Variants in USP32 observed in about 807,000 individuals in gnomAD.
USP32 encodes ubiquitin carboxyl-terminal hydrolase 32.
In USP32, 59 loss-of-function variants were observed where a neutral mutation model predicts 204.8. The ratio of observed to expected loss-of-function variants is 0.29; its 90% confidence interval spans 0.23 to 0.36. The LOEUF (loss-of-function observed/expected upper bound fraction) is 0.36, where lower values mean the gene tolerates loss of function less well. Ranked by LOEUF, USP32 falls within the 10% of genes least tolerant of loss-of-function variation. The pLI, the probability that USP32 is intolerant of heterozygous loss-of-function variation, is 1.00. For missense variants in USP32, 1,160 were observed against 1,946.4 expected (o/e 0.60, Z 7.60); for synonymous variants, 517 against 678.4 (o/e 0.76, Z 3.70).
In USP32 at chr17:60,226,498, AT is replaced by A. The variant is rs368855174; in HGVS notation, c.1240-268del. Among the ~76,000 whole-genome samples, 1,346 of 152,218 alleles carry A rather than the reference AT, an allele frequency of 8.8e-3. 26 individuals are homozygous for A. The highest frequency in any genetic ancestry group is 0.03 in the African/African-American group (1,234 of 41,538). Reference sequence around the variant, plus strand: ...TTTACACTCTATTCTGTTGGCAGCCATTTTTTTAACATTAAAAGTAAATAAA... The same window carrying A: ...TTTACACTCTATTCTGTTGGCAGCCATTTTTTAACATTAAAAGTAAATAAA... On this transcript the variant is annotated intron_variant, in intron 12 of 33. Transcript: ENST00000300896.
chr17:60,324,235 T>C (rs547679171), intron 2 of USP32, among the ~76,000 whole-genome samples: 1 of 151,860 alleles, frequency 6.6e-6, no homozygotes, highest in South Asian at 2.1e-4. Flanking sequence ...TCAGCTATGA[T>C]TGCACCACTG....
chr17:60,224,586 A>T (rs2085335428), intron 13 of USP32, among the ~76,000 whole-genome samples: 1 of 152,178 alleles, frequency 6.6e-6, no homozygotes, highest in Non-Finnish European at 1.5e-5. Flanking sequence ...GAAGACTGCA[A>T]CCAGCACAGG....
At chr17:60,295,838 G>A (rs1454850327) in intron 3 of USP32, among the ~76,000 whole-genome samples, 6 of 151,962 alleles carry the variant, frequency 3.9e-5, no homozygotes, top group Non-Finnish European at 5.9e-5. Flanking sequence ...AGGAAGAAAC[G>A]GTATATATAG....
chr17:60,241,645 G>A (rs939054774), intron 11 of USP32, among the ~76,000 whole-genome samples: 1 of 152,108 alleles, frequency 6.6e-6, no homozygotes, highest in Non-Finnish European at 1.5e-5. Flanking sequence ...TGAGGAAGCA[G>A]AACATCTTGT....
intron 28 of USP32, among the ~76,000 whole-genome samples, chr17:60,191,318 C>T (rs966589158): frequency 7.0e-6 from 1 of 142,006 alleles, no homozygotes; most frequent in Non-Finnish European, 1.5e-5. Context: ...GGGAGAATTG[C>T]TTGAACCTGG....
chr17:60,402,046 C>T (rs36063008), intron 1 of USP32, among the ~76,000 whole-genome samples: 1 of 152,078 alleles, frequency 6.6e-6, no homozygotes, highest in Admixed American at 6.6e-5. Flanking sequence ...TAGTTTTTGT[C>T]TGAGTGAAAT....
At chr17:60,333,031 C>G (rs1461529780) in intron 2 of USP32, among the ~76,000 whole-genome samples, 1 of 151,680 alleles carries the variant, frequency 6.6e-6, no homozygotes, top group Non-Finnish European at 1.5e-5. Context: ...AAAGACTACT[C>G]AATGAAAAAA....
intron 1 of USP32, among the ~76,000 whole-genome samples, chr17:60,352,755 G>A (rs1263723502): frequency 1.3e-5 from 2 of 152,140 alleles, no homozygotes; most frequent in African/African-American, 2.4e-5. Flanking sequence ...AAAAGAACTC[G>A]AAGGCACAGC....
chr17:60,367,383 G>A (rs1163677278), intron 1 of USP32, among the ~76,000 whole-genome samples: 1 of 152,172 alleles, frequency 6.6e-6, no homozygotes, highest in Non-Finnish European at 1.5e-5. Context: ...GATGGCTCAT[G>A]CTTGTAGTCC....
chr17:60,195,791 A>G (rs1297228214), intron 27 of USP32, among the ~76,000 whole-genome samples: 2 of 152,222 alleles, frequency 1.3e-5, no homozygotes, highest in African/African-American at 2.4e-5. Flanking sequence ...GGCTTTAAAT[A>G]CACCTTTTTG....
chr17:60,294,402 G>GTA (rs1217217749), intron 4 of USP32, among the ~76,000 whole-genome samples: 1 of 152,046 alleles, frequency 6.6e-6, no homozygotes, highest in Admixed American at 6.6e-5. Context: ...GTGTGTGTGT[G>GTA]TGTGTGTATT....
intron 11 of USP32, among the ~76,000 whole-genome samples, chr17:60,239,414 C>T (rs1409000984): frequency 1.3e-5 from 2 of 152,172 alleles, no homozygotes; most frequent in Non-Finnish European, 2.9e-5. Context: ...AAATATTCTG[C>T]CCTTTCCTTC....
chr17:60,396,418 C>T (rs1212276207), upstream of USP32, among the ~76,000 whole-genome samples: 1 of 152,092 alleles, frequency 6.6e-6, no homozygotes, highest in Non-Finnish European at 1.5e-5. Flanking sequence ...CATTTTCCAT[C>T]AGTACACAAG....
chr17:60,285,919 C>T (rs2087098325), intron 5 of USP32, among the ~76,000 whole-genome samples: 1 of 151,894 alleles, frequency 6.6e-6, no homozygotes, highest in Non-Finnish European at 1.5e-5. Context: ...GGTGGATCAC[C>T]TGAGGTCAGG....
chr17:60,360,843 A>G (rs910701183), intron 1 of USP32, among the ~76,000 whole-genome samples: 2 of 151,072 alleles, frequency 1.3e-5, no homozygotes, highest in African/African-American at 2.4e-5. Flanking sequence ...GTATACATAA[A>G]GTAGGCCGGG....
intron 1 of USP32, among the ~76,000 whole-genome samples, chr17:60,384,258 G>A (rs1598305310): frequency 1.3e-5 from 2 of 152,148 alleles, no homozygotes; most frequent in East Asian, 1.9e-4. Context: ...ACCCTTTCAC[G>A]AGTCATCACC....
Position 60,271,402 on chromosome 17 carries a change from T to A in USP32, c.651A>T (p.Leu217Phe), listed in dbSNP as rs1020730175. The part of the protein sequence containing the change: ...KAQSRTGRFD[L>F]ETFGPLVSPP... ...GTGAAACCAATGGGCCAAATGTCTC[T>A]AAATCAAATCGTCCAGTCCGGGATT... The change falls in exon 6 of 34, where the codon TTA becomes TTT. Residue 217 changes from leucine (L) to phenylalanine (F), a missense_variant. This residue lies in a region of USP32 where 536 missense variants were observed against 680.9 expected (regional missense o/e 0.79). Transcript: ENST00000300896. 1 of 1,614,052 alleles carries A rather than the reference T, an allele frequency of 6.2e-7. No individual in the cohort carries two copies. The highest frequency in any genetic ancestry group is 1.3e-5 in the African/African-American group (1 of 74,930).
At chr17:60,400,261 A>G (rs2089925992) in intron 1 of USP32, among the ~76,000 whole-genome samples, 1 of 152,206 alleles carries the variant, frequency 6.6e-6, no homozygotes, top group Non-Finnish European at 1.5e-5. Context: ...CACCAAGCCC[A>G]GCCTGTCATC....
chr17:60,234,590 C>T (rs1160925023), intron 12 of USP32, among the ~76,000 whole-genome samples: 10 of 151,460 alleles, frequency 6.6e-5, no homozygotes, highest in African/African-American at 1.7e-4. Context: ...ATTAGCCGGG[C>T]GTGGTGGCAC....
Sources: gnomAD v4.1 joint callset for allele counts (sites outside exome capture counted in the v4.1 genomes callset) on GRCh38, gnomAD v4.1.1 for gene constraint, gnomAD v4.1.1 regional missense constraint, MANE v1.5 for transcripts, NCBI Gene and HGNC (gene_info 2026-07-23, HGNC 2026-07-21) for gene names.